The following ABAT variants were observed in gnomAD, a reference collection of about 807,000 sequenced individuals.
ABAT encodes the protein 4-aminobutyrate aminotransferase, also known as 4-aminobutyrate aminotransferase, mitochondrial.
ABAT carries 45 observed loss-of-function variants against 64.6 expected under a neutral mutation model. The observed-to-expected ratio is 0.70, with a 90% confidence interval of 0.55 to 0.89. The LOEUF (loss-of-function observed/expected upper bound fraction) is 0.89. Ranked by LOEUF, ABAT falls within the 40% of genes least tolerant of loss-of-function variation. The pLI is 0.00. For synonymous variants in ABAT, 297 were observed against 250.5 expected (o/e 1.19, Z -1.75); for missense variants, 633 against 658.4 (o/e 0.96, Z 0.42).
At chr16:8,735,641 T>C (rs1316254243) in intron 1 of ABAT, 58 bp from the exon 2 acceptor site, 4 of 1,404,252 alleles carry the variant, frequency 2.8e-6, no homozygotes, top group African/African-American at 2.8e-5. Flanking sequence ...GATGGGATCT[T>C]TGGCTGAGAG....
At chr16:8,730,225 T>A (rs2058679429) in intron 1 of ABAT, among the ~76,000 whole-genome samples, 1 of 152,176 alleles carries the variant, frequency 6.6e-6, no homozygotes, top group Non-Finnish European at 1.5e-5. Flanking sequence ...AATTGATCTT[T>A]ATGTGCCCTA....
intron 5 of ABAT, among the ~76,000 whole-genome samples, chr16:8,756,186 C>T (rs1418298483): frequency 2.0e-5 from 3 of 152,096 alleles, no homozygotes; most frequent in South Asian, 2.1e-4. Flanking sequence ...TGCCACTGCA[C>T]TCCAGCCTGG....
chr16:8,768,903 C>A lies in ABAT; in HGVS notation c.746C>A (p.Pro249Gln). The A allele has an allele frequency of 6.2e-7, 1 of 1,614,176 alleles. No homozygotes were observed. The highest frequency in any genetic ancestry group is 8.5e-7 in the Non-Finnish European group (1 of 1,180,038). ...PSFDWPIAPFPRLKYPLEEFV... is the reference protein window; with the variant it reads ...PSFDWPIAPFQRLKYPLEEFV... ...TTTGACTGGCCCATCGCACCGTTCC[C>A]ACGGCTGAAATACCCTCTGGAAGAG... Residue 249 changes from proline to glutamine, a missense_variant, in exon 11 of 16, where the codon CCA becomes CAA. Pro to Gln is a moderately conservative substitution (Grantham distance 76). Coordinates refer to ENST00000268251, the MANE Select transcript of ABAT (RefSeq NM_020686.6).
At chr16:8,736,136 A>T in intron 2 of ABAT, 1 of 366,942 alleles carries the variant, frequency 2.7e-6, no homozygotes, top group South Asian at 2.6e-5. Context: ...CCCGTTTGTA[A>T]AAACATCAGA....
chr16:8,754,044 C>T (rs2059568261), intron 5 of ABAT, among the ~76,000 whole-genome samples: 1 of 152,010 alleles, frequency 6.6e-6, no homozygotes, highest in Non-Finnish European at 1.5e-5. Flanking sequence ...ATAAAGTCTC[C>T]TTTCAAAGCA....
chr16:8,757,941 C>T, intron 6 of ABAT, 135 bp downstream of exon 6: 2 of 1,048,192 alleles, frequency 1.9e-6, no homozygotes, highest in South Asian at 2.7e-5. Flanking sequence ...ATACTATGTG[C>T]CAGGTATGTG....
chr16:8,739,761 AAAACAG>A (rs201134608), intron 2 of ABAT, among the ~76,000 whole-genome samples: 31 of 104,540 alleles, frequency 3.0e-4, no homozygotes, highest in Admixed American at 5.5e-4. Context: ...AAAAAACAAA[AAAACAG>A]AAAAAATAGA....
chr16:8,780,485 G>C (rs867844469), intron 15 of ABAT: 3 of 153,952 alleles, frequency 1.9e-5, no homozygotes, highest in African/African-American at 7.2e-5. Context: ...AAACAGGCCG[G>C]GTGCAGTAGC....
In ABAT at chr16:8,782,936, T is replaced by A. The variant is rs908499355; in HGVS notation, c.*1506T>A. The A allele has an allele frequency of 7.0e-6, 1 of 143,676 alleles. No individual in the cohort carries two copies. The highest frequency in any genetic ancestry group is 2.5e-5 in the African/African-American group (1 of 39,732). The allele number at this position is 143,676 out of a possible 1,614,324, so 8.9% of individuals were successfully genotyped here. ...TCGTCCAAAGATCTCAAAGTAAGGG[T>A]TTTTTTTTTTAGCTTCCACTCTTCC... On this transcript the variant is annotated 3_prime_UTR_variant, in exon 16 of 16. Transcript: ENST00000268251.
Position 8,781,725 on chromosome 16 carries a change from C to T in ABAT, c.*295C>T. On this transcript the variant is annotated 3_prime_UTR_variant, in exon 16 of 16. Coordinates refer to ENST00000268251, the MANE Select transcript of ABAT (RefSeq NM_020686.6). This position sits in a 1 kb window ranked among gnomAD's most constrained non-coding sequence, Gnocchi z 4.5. ...GGGAGGTCCTGGCTAGAGTTCTGCC[C>T]AACCTTGACCAACCCCAGCAATTTT... The T allele has an allele frequency of 2.1e-6, 1 of 479,840 alleles. No individual in the cohort carries two copies. Among genetic ancestry groups the T allele is most frequent in the South Asian group, 2.1e-5 (1 of 47,614 alleles). The allele number at this position is 479,840 out of a possible 1,614,324, so 29.7% of individuals were successfully genotyped here.
chr16:8,717,628 A>G (rs1032206814), intron 1 of ABAT, among the ~76,000 whole-genome samples: 11 of 152,278 alleles, frequency 7.2e-5, no homozygotes, highest in Admixed American at 5.2e-4. Context: ...CAATCAATCC[A>G]TCAGGCACCT....
chr16:8,699,689 G>A (rs1170218556), intron 1 of ABAT, among the ~76,000 whole-genome samples: 1 of 152,126 alleles, frequency 6.6e-6, no homozygotes, highest in African/African-American at 2.4e-5. Context: ...ATCCTCCTGA[G>A]TAGCTGGGAC....
At chr16:8,757,908 TTC>T in intron 6 of ABAT, 102 bp downstream of exon 6, 30 of 1,316,958 alleles carry the variant, frequency 2.3e-5, no homozygotes, top group Non-Finnish European at 2.8e-5. Flanking sequence ...CATTCATTCA[TTC>T]CATAAATATG....
At chr16:8,769,138 A>C (rs926705054) in intron 11 of ABAT, among the ~76,000 whole-genome samples, 165 bp downstream of exon 11, 1 of 152,180 alleles carries the variant, frequency 6.6e-6, no homozygotes, top group Non-Finnish European at 1.5e-5. Context: ...CAAATGTTCT[A>C]TGTTGGGAGA....
intron 2 of ABAT, among the ~76,000 whole-genome samples, chr16:8,741,980 C>A (rs922156795): frequency 6.6e-6 from 1 of 152,202 alleles, no homozygotes; most frequent in African/African-American, 2.4e-5. Context: ...TTAGTAAAGA[C>A]TGAATATGTG....
chr16:8,710,717 A>AGGGAGG lies in ABAT; in HGVS notation c.-41-24981_-41-24980insGGAGGG, dbSNP rs1555485672. ...GACAGAGAGAGAGAGAGAGAGAGAG[A>AGGGAGG]GAGAGAGAGAGAGGAAATAGGCTCA... On this transcript the variant is annotated intron_variant, in intron 1 of 15. Transcript: ENST00000268251. Among the ~76,000 whole-genome samples, 137 of 56,236 alleles carry AGGGAGG rather than the reference A, an allele frequency of 2.4e-3. 1 individual carries two copies. Among genetic ancestry groups the AGGGAGG allele is most frequent in the Middle Eastern group, 7.4e-3 (1 of 136 alleles). 36.9% of individuals were successfully genotyped at this position (56,236 alleles called of 152,430 possible). A position where few individuals can be genotyped will look rare whatever the true frequency, so the allele number is the denominator to read the frequency against.
chr16:8,772,295 T>A (rs1031271983), intron 11 of ABAT, among the ~76,000 whole-genome samples: 3 of 115,078 alleles, frequency 2.6e-5, no homozygotes, highest in Admixed American at 1.7e-4. Flanking sequence ...TGTGTGTGTG[T>A]GTGTGTGTGA....
intron 1 of ABAT, among the ~76,000 whole-genome samples, chr16:8,728,818 G>A (rs1019848096): frequency 6.6e-6 from 1 of 152,140 alleles, no homozygotes; most frequent in Non-Finnish European, 1.5e-5. Context: ...AGGTTGCAGT[G>A]AGCCGAGATC....
chr16:8,696,041 C>G (rs528496540), intron 1 of ABAT, among the ~76,000 whole-genome samples: 1 of 152,210 alleles, frequency 6.6e-6, no homozygotes, highest in Non-Finnish European at 1.5e-5. Context: ...AGGCAAGGAG[C>G]TTTCTTAGTT....
Sources: allele counts gnomAD v4.1 joint callset (sites outside exome capture counted in the v4.1 genomes callset), GRCh38; gene constraint gnomAD v4.1.1; non-coding constraint Gnocchi (gnomAD v3.1); transcripts MANE v1.5; gene names NCBI Gene and HGNC (gene_info 2026-07-23, HGNC 2026-07-21).